OTUD7A: variants seen among roughly 807,000 people sequenced by gnomAD.
OTUD7A encodes OTU domain-containing protein 7A.
A neutral mutation model predicts 65.7 loss-of-function variants in OTUD7A; 12 were observed. The ratio of observed to expected loss-of-function variants is 0.18; its 90% CI spans 0.12 to 0.30. The LOEUF (loss-of-function observed/expected upper bound fraction) is 0.30, where lower values mean the gene tolerates loss of function less well. OTUD7A is among the 10% of genes least tolerant of loss of function. The probability of loss-of-function intolerance (pLI) is 1.00; values close to 1 mark genes in which losing one functional copy is unlikely to be tolerated. For synonymous variants in OTUD7A, 641 were observed against 586.3 expected (o/e 1.09, Z -1.35); for missense variants, 1,148 against 1,304.8 (o/e 0.88, Z 1.85).
At chr15:31,661,322 G>A (rs1207811118) in intron 1 of OTUD7A, among the ~76,000 whole-genome samples, 6 of 152,078 alleles carry the variant, frequency 3.9e-5, no homozygotes, top group East Asian at 1.9e-4. Flanking sequence ...TTCTTAATAC[G>A]AGTTAAACAG....
At chr15:31,675,842 C>T (rs1480902730) in intron 1 of OTUD7A, among the ~76,000 whole-genome samples, 1 of 152,148 alleles carries the variant, frequency 6.6e-6, no homozygotes, top group Non-Finnish European at 1.5e-5. Flanking sequence ...AAGAAGGAAA[C>T]CTTTATTTTT....
intron 3 of OTUD7A, among the ~76,000 whole-genome samples, chr15:31,570,811 G>A (rs560194883): frequency 9.9e-5 from 15 of 152,192 alleles, no homozygotes; most frequent in African/African-American, 3.6e-4. Context: ...GACACGGGGT[G>A]CTGGACTGGC....
chr15:31,855,521 T>C (rs1897547262), intron 1 of OTUD7A, among the ~76,000 whole-genome samples: 1 of 151,614 alleles, frequency 6.6e-6, no homozygotes, highest in South Asian at 2.1e-4. Flanking sequence ...GAAAAAAAAA[T>C]CCTCAAGAAT....
intron 3 of OTUD7A, among the ~76,000 whole-genome samples, chr15:31,570,707 G>C (rs1394910845): frequency 6.6e-6 from 1 of 152,212 alleles, no homozygotes; most frequent in Non-Finnish European, 1.5e-5. Context: ...TTTGGTGGGA[G>C]ATAGGCTTCT....
chr15:31,742,289 C>T (rs35675970), intron 1 of OTUD7A, among the ~76,000 whole-genome samples: 11,302 of 152,044 alleles, frequency 0.074, 1,006 homozygotes, highest in African/African-American at 0.22. Context: ...TCATCCACAA[C>T]GATTGGTTAT....
rs2041752236 is a variant in OTUD7A, at chr15:31,511,736, C to CACATATATGTATATCTATATGTAACAT, written c.894-7919_894-7918insATGTTACATATAGATATACATATATGT. On this transcript the variant is annotated intron_variant, in intron 8 of 12. Coordinates refer to ENST00000307050, the MANE Select transcript of OTUD7A (RefSeq NM_001382637.1). Reference sequence around the variant, plus strand: ...TATATATGTATATCTATATGTAACACACATATATATGTATATCTATATGTA... The same window carrying CACATATATGTATATCTATATGTAACAT: ...TATATATGTATATCTATATGTAACACACATATATGTATATCTATATGTAACATACATATATATGTATATCTATATGTA... Among the ~76,000 whole-genome samples the CACATATATGTATATCTATATGTAACAT allele has an allele frequency of 1.0e-4, 4 of 39,420 alleles. 2 individuals carry two copies. The highest frequency in any genetic ancestry group is 8.6e-4 in the South Asian group (2 of 2,338). 25.9% of individuals were successfully genotyped at this position (39,420 alleles called of 152,430 possible).
intron 3 of OTUD7A, among the ~76,000 whole-genome samples, chr15:31,591,227 G>T (rs542883466): frequency 1.2e-4 from 18 of 152,114 alleles, no homozygotes; most frequent in African/African-American, 4.1e-4. Context: ...GCTTAACAAG[G>T]AAAAGAGATG....
At chr15:31,862,076 C>T (rs554613637) in intron 1 of OTUD7A, among the ~76,000 whole-genome samples, 5 of 152,300 alleles carry the variant, frequency 3.3e-5, no homozygotes, top group Admixed American at 1.3e-4. Context: ...AATGCCAAGA[C>T]CACCCTCTCT....
chr15:31,568,544 G>C (rs144465731), intron 4 of OTUD7A, among the ~76,000 whole-genome samples: 1,962 of 152,352 alleles, frequency 0.013, 21 homozygotes, highest in Non-Finnish European at 0.022. Flanking sequence ...TTGAGGGACT[G>C]TTGGGAAGGC....
Position 31,590,293 on chromosome 15 carries a change from A to C in OTUD7A, c.152-20096T>G, listed in dbSNP as rs138836280. Among the ~76,000 whole-genome samples the C allele has an allele frequency of 1.1e-3, 165 of 152,378 alleles. 4 individuals are homozygous for C. Among genetic ancestry groups the C allele is most frequent in the African/African-American group, 3.8e-3 (159 of 41,598 alleles). On this transcript the variant is annotated intron_variant, in intron 3 of 12. Coordinates refer to ENST00000307050, the MANE Select transcript of OTUD7A (RefSeq NM_001382637.1). ...GTAGGCTATGCCATCTACTTCATGG[A>C]AGTGAACTTTAATATTTGTGCAATG...
intron 4 of OTUD7A, among the ~76,000 whole-genome samples, chr15:31,567,346 G>A (rs770458832): frequency 3.3e-5 from 5 of 152,232 alleles, no homozygotes; most frequent in African/African-American, 7.2e-5. Context: ...AGGGTATGTG[G>A]TAGAAGAAAT....
At chr15:31,592,997 AATG>A (rs1038334949) in intron 3 of OTUD7A, among the ~76,000 whole-genome samples, 4 of 144,836 alleles carry the variant, frequency 2.8e-5, no homozygotes, top group South Asian at 2.2e-4. Context: ...TGCACTCTAA[AATG>A]ATGATAAAAA....
At chr15:31,864,464 G>A (rs566862035) in intron 1 of OTUD7A, among the ~76,000 whole-genome samples, 12 of 152,242 alleles carry the variant, frequency 7.9e-5, no homozygotes, top group African/African-American at 2.4e-4. Flanking sequence ...CACTTTTTAC[G>A]TGGTGGTGGC....
At chr15:31,837,751 G>C (rs959715703) in intron 1 of OTUD7A, among the ~76,000 whole-genome samples, 1 of 152,150 alleles carries the variant, frequency 6.6e-6, no homozygotes, top group African/African-American at 2.4e-5. Context: ...TCCCAGCAAG[G>C]TGTTTTTGTA....
chr15:31,830,522 G>C (rs1253632834), intron 1 of OTUD7A, among the ~76,000 whole-genome samples: 6 of 152,196 alleles, frequency 3.9e-5, no homozygotes. Flanking sequence ...TGAAAGATTA[G>C]AGAATGCTGC....
chr15:31,747,676 A>C (rs1334208685), intron 1 of OTUD7A, among the ~76,000 whole-genome samples: 1 of 152,230 alleles, frequency 6.6e-6, no homozygotes, highest in Non-Finnish European at 1.5e-5. Context: ...ATAGTTAGAA[A>C]TTCATCAATG....
At chr15:31,825,774 G>C (rs1178126856) in intron 1 of OTUD7A, among the ~76,000 whole-genome samples, 1 of 152,162 alleles carries the variant, frequency 6.6e-6, no homozygotes, top group Non-Finnish European at 1.5e-5. Flanking sequence ...GATACAATGG[G>C]GGTACAGACA....
chr15:31,849,452 A>C (rs767457599), intron 1 of OTUD7A, among the ~76,000 whole-genome samples: 4 of 152,240 alleles, frequency 2.6e-5, no homozygotes, highest in Non-Finnish European at 5.9e-5. Flanking sequence ...TAAATACCCT[A>C]GAAGAAAACC....
Position 31,483,571 on chromosome 15 carries a change from G to C in OTUD7A, c.2525C>G (p.Pro842Arg), listed in dbSNP as rs767872628. 2 of 1,290,948 alleles carry C rather than the reference G, an allele frequency of 1.5e-6. No individual in the cohort carries two copies. The highest frequency in any genetic ancestry group is 9.8e-7 in the Non-Finnish European group (1 of 1,019,184). The allele number at this position is 1,290,948 out of a possible 1,614,324, so 80.0% of individuals were successfully genotyped here. A position where few individuals can be genotyped will look rare whatever the true frequency, so the allele number is the denominator to read the frequency against. ...CGCCCCCGCCGTCCCCGCCGCGCCC[G>C]GTAGGGCCCCGGGCACCGCGCGCGC... is the stretch of plus-strand genomic sequence containing the variant. ...SLARAVPGAL[P>R]GAAGTAGAAE... The change falls in exon 13 of 13, where the codon CCG becomes CGG. Residue 842 changes from proline (P) to arginine (R), a missense_variant. By Grantham distance (103) the Pro-to-Arg change is moderately radical. Coordinates refer to ENST00000307050, the MANE Select transcript of OTUD7A (RefSeq NM_001382637.1).
Sources: allele counts gnomAD v4.1 joint callset (sites outside exome capture counted in the v4.1 genomes callset), GRCh38; gene constraint gnomAD v4.1.1; transcripts MANE v1.5; gene names NCBI Gene and HGNC (gene_info 2026-07-23, HGNC 2026-07-21).